Variants in ANK3 observed in about 807,000 individuals in gnomAD.
The protein encoded by ANK3 is ankyrin-3.
Under a neutral mutation model 370.9 loss-of-function variants are expected in ANK3, and 57 were observed. That is an observed-to-expected ratio of 0.15 (90% confidence interval 0.12 to 0.19). The LOEUF (loss-of-function observed/expected upper bound fraction) is 0.19. Ranked by LOEUF, ANK3 falls within the 10% of genes least tolerant of loss-of-function variation. The probability of loss-of-function intolerance (pLI) is 1.00; values close to 1 mark genes in which losing one functional copy is unlikely to be tolerated. For missense variants in ANK3, 4,439 were observed against 5,302.1 expected, an observed-to-expected ratio of 0.84 and a Z score of 5.06; for synonymous variants, 1,929 against 1,946.3, an observed-to-expected ratio of 0.99 and a Z score of 0.23.
At chr10:60,280,555 A>G (rs1345140992) in intron 1 of ANK3, among the ~76,000 whole-genome samples, 1 of 152,234 alleles carries the variant, frequency 6.6e-6, no homozygotes, top group African/African-American at 2.4e-5. Flanking sequence ...CTATAATTTC[A>G]TAGTTGAAAC....
At chr10:60,245,496 C>T (rs1251829222) in intron 7 of ANK3, among the ~76,000 whole-genome samples, 1 of 152,190 alleles carries the variant, frequency 6.6e-6, no homozygotes, top group Non-Finnish European at 1.5e-5. Context: ...TAGGTGGTCA[C>T]TTCCCATTTC....
intron 18 of ANK3, among the ~76,000 whole-genome samples, chr10:60,178,156 C>T (rs1270062261): frequency 2.6e-5 from 4 of 152,130 alleles, no homozygotes; most frequent in African/African-American, 4.8e-5. Flanking sequence ...CATTAAGGCC[C>T]TCTGAGATCT....
chr10:60,082,951 G>A (rs1427788035), intron 33 of ANK3, among the ~76,000 whole-genome samples: 1 of 152,152 alleles, frequency 6.6e-6, no homozygotes, highest in African/African-American at 2.4e-5. Flanking sequence ...GGATTGTTGT[G>A]TCTGATGATC....
chr10:60,562,304 C>A (rs1253444056), intron 2 of ANK3, among the ~76,000 whole-genome samples: 1 of 151,966 alleles, frequency 6.6e-6, no homozygotes, highest in Non-Finnish European at 1.5e-5. Flanking sequence ...ATTAAAACTT[C>A]ATAATTGATT....
rs2095838919 is a variant in ANK3, at chr10:60,173,126, G to T, written c.2245C>A (p.Leu749Met). ...HYGNIKIVNFLLQHSAKVNAK... is the reference protein window; with the variant it reads ...HYGNIKIVNFMLQHSAKVNAK... ...TTAACTTTTGCAGAATGCTGGAGCAGGAAATTAACAATCTTGATATTTCCA... is the reference window on the plus strand; with the variant it reads ...TTAACTTTTGCAGAATGCTGGAGCATGAAATTAACAATCTTGATATTTCCA... The change falls in exon 19 of 44, where the codon CTG (leucine) becomes ATG (methionine). Residue 749 changes from leucine (L) to methionine (M), a missense_variant. Around this residue, in one of 13 missense-constraint regions of ANK3, gnomAD observed 702 missense variants for 941.5 expected, o/e 0.75. Transcript: ENST00000280772. 4 of 1,613,996 alleles carry T rather than the reference G, an allele frequency of 2.5e-6. No homozygotes were observed. Among genetic ancestry groups the T allele is most frequent in the Non-Finnish European group, 3.4e-6 (4 of 1,180,004 alleles).
chr10:60,177,933 C>T (rs2096024542), intron 18 of ANK3, among the ~76,000 whole-genome samples: 1 of 152,184 alleles, frequency 6.6e-6, no homozygotes, highest in Admixed American at 6.5e-5. Flanking sequence ...CTCAGTGTCT[C>T]ATCTGCCACT....
At chr10:60,188,924 A>G (rs2096409809) in intron 16 of ANK3, among the ~76,000 whole-genome samples, 2 of 152,212 alleles carry the variant, frequency 1.3e-5, no homozygotes, top group Non-Finnish European at 2.9e-5. Context: ...TGACCAGCAT[A>G]AAAGAGAAAA....
At chr10:60,637,250 A>G (rs1344095672) in intron 1 of ANK3, among the ~76,000 whole-genome samples, 2 of 152,130 alleles carry the variant, frequency 1.3e-5, no homozygotes, top group African/African-American at 4.8e-5. Context: ...AATTTATCAC[A>G]TTCTGGTGAT....
chr10:60,520,927 A>AT (rs1163713994), intron 2 of ANK3, among the ~76,000 whole-genome samples: 8 of 140,064 alleles, frequency 5.7e-5, no homozygotes, highest in Admixed American at 4.4e-4. Context: ...CCATTTTACA[A>AT]TTTTTGTCTT....
chr10:60,303,402 C>A (rs1490049760), intron 1 of ANK3, among the ~76,000 whole-genome samples: 1 of 151,972 alleles, frequency 6.6e-6, no homozygotes, highest in Non-Finnish European at 1.5e-5. Flanking sequence ...GGCAAAGAAC[C>A]TGAATAGACA....
At chr10:60,662,333 CTAAAAAA>C (rs1330225173) in intron 1 of ANK3, among the ~76,000 whole-genome samples, 4 of 151,794 alleles carry the variant, frequency 2.6e-5, no homozygotes, top group Non-Finnish European at 5.9e-5. Context: ...TTGTTAAGTA[CTAAAAAA>C]TAAAAAAGAC....
chr10:60,250,321 T>C (rs2097632755), intron 7 of ANK3, among the ~76,000 whole-genome samples: 1 of 152,212 alleles, frequency 6.6e-6, no homozygotes, highest in Non-Finnish European at 1.5e-5. Flanking sequence ...GAAAAACCAG[T>C]TGAGAGGTCT....
intron 28 of ANK3, among the ~76,000 whole-genome samples, chr10:60,093,801 G>A (rs1248262018): frequency 6.6e-6 from 1 of 152,164 alleles, no homozygotes; most frequent in Admixed American, 6.5e-5. Context: ...GAAATGCTCA[G>A]ATTTCTAACT....
chr10:60,199,385 T>C (rs2096638031), intron 13 of ANK3, among the ~76,000 whole-genome samples: 1 of 151,826 alleles, frequency 6.6e-6, no homozygotes, highest in Non-Finnish European at 1.5e-5. Context: ...ATCTAACCAG[T>C]AGGAAGCATG....
intron 2 of ANK3, among the ~76,000 whole-genome samples, chr10:60,566,827 A>G (rs1261554007): frequency 6.6e-6 from 1 of 152,178 alleles, no homozygotes; most frequent in Admixed American, 6.5e-5. Flanking sequence ...GTGAGCTATG[A>G]TCATGCCAAT....
At chr10:60,725,793 C>T (rs1554817744) in intron 1 of ANK3, among the ~76,000 whole-genome samples, 1 of 152,008 alleles carries the variant, frequency 6.6e-6, no homozygotes, top group Non-Finnish European at 1.5e-5. Context: ...CTATTGTCCC[C>T]CCATCCCAGC....
At chr10:60,718,398 C>T (rs915204131) in intron 1 of ANK3, among the ~76,000 whole-genome samples, 9 of 151,608 alleles carry the variant, frequency 5.9e-5, no homozygotes, top group African/African-American at 1.2e-4. Flanking sequence ...GAGGAGTCGA[C>T]GAAGCAAGGA....
intron 11 of ANK3, among the ~76,000 whole-genome samples, chr10:60,204,901 G>C (rs1181822421): frequency 6.6e-6 from 1 of 152,164 alleles, no homozygotes; most frequent in East Asian, 1.9e-4. Context: ...GCCCAGATCT[G>C]GTTCTAAAGG....
chr10:60,054,141 T>C (rs995935018), intron 42 of ANK3, among the ~76,000 whole-genome samples: 1 of 152,230 alleles, frequency 6.6e-6, no homozygotes, highest in Non-Finnish European at 1.5e-5. Context: ...GCGGTGTTTA[T>C]ATGTGTTTGT....
Sources: gnomAD v4.1 joint callset for allele counts (sites outside exome capture counted in the v4.1 genomes callset) on GRCh38, gnomAD v4.1.1 for gene constraint, gnomAD v4.1.1 regional missense constraint, MANE v1.5 for transcripts, NCBI Gene and HGNC (gene_info 2026-07-23, HGNC 2026-07-21) for gene names.